The following LRRC4C variants were observed in gnomAD, a reference collection of about 807,000 sequenced individuals.
LRRC4C encodes the protein leucine-rich repeat-containing protein 4C.
LRRC4C carries 5 observed loss-of-function variants against 33.6 expected under a neutral mutation model. The observed-to-expected ratio is 0.15, with a 90% CI of 0.08 to 0.31. LRRC4C has a LOEUF of 0.31. Among genes scored for constraint, LRRC4C ranks in the 10% least tolerant of loss-of-function variants. The pLI is 1.00. For synonymous variants in LRRC4C, 329 were observed against 302.0 expected, an observed-to-expected ratio of 1.09 and a Z score of -0.93; for missense variants, 560 against 796.7, an observed-to-expected ratio of 0.70 and a Z score of 3.58.
intron 1 of LRRC4C, among the ~76,000 whole-genome samples, chr11:41,421,527 C>T (rs1172835595): frequency 1.3e-5 from 2 of 151,926 alleles, no homozygotes; most frequent in Non-Finnish European, 2.9e-5. Flanking sequence ...TGTTATAGCT[C>T]AGTAGCAAAT....
rs376147388 is a variant in LRRC4C at position 40,374,304 on chromosome 11, C to G, written c.-269-54583G>C. On this transcript the variant is annotated intron_variant, in intron 3 of 6. Coordinates refer to ENST00000528697, the MANE Select transcript of LRRC4C (RefSeq NM_001258419.2). Reference sequence around the variant, plus strand: ...CCTGATCCTCCTGGGTAGAATTAGTCTTATTTATTCATTCTGTATGCATTT... The same window carrying G: ...CCTGATCCTCCTGGGTAGAATTAGTGTTATTTATTCATTCTGTATGCATTT... Among the ~76,000 whole-genome samples, 25 of 152,200 alleles carry G rather than the reference C, an allele frequency of 1.6e-4. No homozygotes were observed. In the South Asian group the frequency reaches 5.2e-3, roughly 32 times the overall value.
chr11:40,630,646 C>CT lies in LRRC4C; in HGVS notation c.-270+17495dup, dbSNP rs1963409251. ...AAAAGTGGTTAAGCTGGGATTCTGA[C>CT]TTCAGAGATGCTGCATAATAACATC... On this transcript the variant is annotated intron_variant, in intron 3 of 6. Transcript: ENST00000528697. Among the ~76,000 whole-genome samples the CT allele has an allele frequency of 3.9e-5, 6 of 152,274 alleles. No homozygotes were observed. In the South Asian group the frequency reaches 1.2e-3, roughly 32 times the overall value.
chr11:40,183,342 C>T (rs1445542062), intron 5 of LRRC4C, among the ~76,000 whole-genome samples: 3 of 152,078 alleles, frequency 2.0e-5, no homozygotes, highest in Middle Eastern at 3.2e-3. Flanking sequence ...ATGAAATTAC[C>T]ACAGAGTCCC....
intron 1 of LRRC4C, among the ~76,000 whole-genome samples, chr11:41,263,355 T>G (rs1026199632): frequency 6.6e-6 from 1 of 152,122 alleles, no homozygotes; most frequent in African/African-American, 2.4e-5. Context: ...AAGAACAGTC[T>G]AAAAATGTAA....
intron 3 of LRRC4C, among the ~76,000 whole-genome samples, chr11:40,364,136 AT>A (rs139498897): frequency 0.014 from 2,175 of 152,232 alleles, 44 homozygotes; most frequent in African/African-American, 0.049. Context: ...ACAGAAAAAA[AT>A]ACAGCAACCA....
chr11:41,240,529 T>C (rs1948206719), intron 1 of LRRC4C, among the ~76,000 whole-genome samples: 1 of 152,212 alleles, frequency 6.6e-6, no homozygotes, highest in Non-Finnish European at 1.5e-5. Flanking sequence ...GAAAGCACTC[T>C]GGTTTATACA....
At chr11:40,997,558 A>G (rs1854070771) in intron 1 of LRRC4C, among the ~76,000 whole-genome samples, 1 of 152,164 alleles carries the variant, frequency 6.6e-6, no homozygotes, top group African/African-American at 2.4e-5. Context: ...TTATTTTGAA[A>G]AAGTTAGTTG....
intron 3 of LRRC4C, among the ~76,000 whole-genome samples, chr11:40,348,257 A>T (rs1303451202): frequency 2.0e-5 from 3 of 147,648 alleles, no homozygotes; most frequent in Non-Finnish European, 4.5e-5. Context: ...GAGTTGCTAT[A>T]AACCTTCAAT....
chr11:40,146,114 A>C (rs1857712929), intron 5 of LRRC4C, among the ~76,000 whole-genome samples: 1 of 152,194 alleles, frequency 6.6e-6, no homozygotes, highest in African/African-American at 2.4e-5. Flanking sequence ...CTGAAAGGAC[A>C]CATGATAGCT....
At chr11:40,655,874 TG>T (rs1943079701) in intron 2 of LRRC4C, among the ~76,000 whole-genome samples, 1 of 152,128 alleles carries the variant, frequency 6.6e-6, no homozygotes, top group Non-Finnish European at 1.5e-5. Flanking sequence ...ACCATCATTG[TG>T]GAAGGTGGAG....
chr11:40,404,526 A>G (rs1162445002), intron 3 of LRRC4C, among the ~76,000 whole-genome samples: 1 of 151,958 alleles, frequency 6.6e-6, no homozygotes, highest in Non-Finnish European at 1.5e-5. Flanking sequence ...AATTCCTTCT[A>G]CCTCACAAGT....
intron 2 of LRRC4C, among the ~76,000 whole-genome samples, chr11:40,744,903 T>C (rs928383925): frequency 6.6e-5 from 10 of 152,158 alleles, no homozygotes; most frequent in Non-Finnish European, 1.3e-4. Context: ...TAGATGTATA[T>C]CGATTACCAA....
chr11:40,819,057 A>T (rs1195208936), intron 2 of LRRC4C, among the ~76,000 whole-genome samples: 1 of 152,142 alleles, frequency 6.6e-6, no homozygotes, highest in Admixed American at 6.6e-5. Context: ...AAACTTTTAA[A>T]GAAAATCTGA....
intron 2 of LRRC4C, among the ~76,000 whole-genome samples, chr11:40,649,169 T>C (rs1328477529): frequency 6.6e-6 from 1 of 152,136 alleles, no homozygotes; most frequent in Non-Finnish European, 1.5e-5. Context: ...AGCAGAGAAC[T>C]GGTCTGACCA....
chr11:41,032,912 T>A (rs1269809565), intron 1 of LRRC4C, among the ~76,000 whole-genome samples: 5 of 152,076 alleles, frequency 3.3e-5, no homozygotes, highest in Non-Finnish European at 7.4e-5. Context: ...CATACAAGCA[T>A]CATTTTCATA....
chr11:40,618,263 C>T (rs188629333), intron 3 of LRRC4C, among the ~76,000 whole-genome samples: 153 of 119,190 alleles, frequency 1.3e-3, no homozygotes, highest in African/African-American at 3.9e-3. Context: ...CACAACAGCA[C>T]CCAGGAAAGA....
chr11:40,146,000 A>G (rs1156666180), intron 5 of LRRC4C, among the ~76,000 whole-genome samples: 1 of 152,214 alleles, frequency 6.6e-6, no homozygotes, highest in Middle Eastern at 3.2e-3. Flanking sequence ...TTAATAGGAG[A>G]GAGCAAGGTA....
intron 3 of LRRC4C, among the ~76,000 whole-genome samples, chr11:40,387,517 C>A (rs1441031072): frequency 6.6e-6 from 1 of 152,096 alleles, no homozygotes; most frequent in Non-Finnish European, 1.5e-5. Flanking sequence ...ATAAAGGGTT[C>A]ATTTACTTTT....
intron 5 of LRRC4C, among the ~76,000 whole-genome samples, chr11:40,157,821 T>C (rs1858830843): frequency 6.6e-6 from 1 of 152,082 alleles, no homozygotes; most frequent in South Asian, 2.1e-4. Context: ...GAACGTGAAC[T>C]AGTACAGCCA....
Sources: allele counts gnomAD v4.1 joint callset (sites outside exome capture counted in the v4.1 genomes callset), GRCh38; gene constraint gnomAD v4.1.1; transcripts MANE v1.5; gene names NCBI Gene and HGNC (gene_info 2026-07-23, HGNC 2026-07-21).